Variants in KCNIP1 observed in about 807,000 individuals in gnomAD.
KCNIP1 encodes the protein A-type potassium channel modulatory protein KCNIP1.
KCNIP1 carries 18 observed loss-of-function variants against 33.0 expected under a neutral mutation model. The ratio of observed to expected loss-of-function variants is 0.55; its 90% CI spans 0.38 to 0.81. The LOEUF is 0.81. KCNIP1 is among the 30% of genes least tolerant of loss of function. The pLI, the probability that KCNIP1 is intolerant of heterozygous loss-of-function variation, is 0.00. For missense variants in KCNIP1, 238 were observed against 271.6 expected (o/e 0.88, Z 0.87); for synonymous variants, 93 against 98.3 (o/e 0.95, Z 0.32).
intron 1 of KCNIP1, among the ~76,000 whole-genome samples, chr5:170,587,430 A>T (rs1296113648): frequency 2.0e-5 from 3 of 149,442 alleles, no homozygotes; most frequent in Non-Finnish European, 4.4e-5. Flanking sequence ...TCAAAAAAAA[A>T]AAAAAAAAAA....
chr5:170,355,046 G>A (rs896637592), intron 1 of KCNIP1, among the ~76,000 whole-genome samples: 2 of 152,228 alleles, frequency 1.3e-5, no homozygotes, highest in Non-Finnish European at 2.9e-5. Context: ...TCAGGTGCCC[G>A]CCACCCAGCG....
At chr5:170,406,399 G>A (rs75640006) in intron 1 of KCNIP1, among the ~76,000 whole-genome samples, 2,281 of 152,342 alleles carry the variant, frequency 0.015, 34 homozygotes, top group East Asian at 0.07. Context: ...ATTATTGGTC[G>A]TGTAAATGTG....
intron 5 of KCNIP1, among the ~76,000 whole-genome samples, chr5:170,726,977 T>C (rs991308544): frequency 1.3e-5 from 2 of 152,060 alleles, no homozygotes; most frequent in South Asian, 2.1e-4. Flanking sequence ...AAGAAAAATA[T>C]GTAATTCCAT....
chr5:170,522,453 G>A (rs549880934), intron 1 of KCNIP1, among the ~76,000 whole-genome samples: 1 of 152,212 alleles, frequency 6.6e-6, no homozygotes, highest in Non-Finnish European at 1.5e-5. Flanking sequence ...TTCTTGTTCT[G>A]CATGGCAGTT....
At position 170,394,472 on chromosome 5, in the gene KCNIP1, CG is replaced by C. The variant is rs771506297; in HGVS notation, c.88+40511del. 5.2e-4 allele frequency among the ~76,000 whole-genome samples: 78 copies of C among 148,872 alleles called. 1 individual carries two copies. Among genetic ancestry groups the C allele is most frequent in the Admixed American group, 8.6e-4 (13 of 15,060 alleles). ...TTTGTTGTCATCGTGCTTTGGTTTTCGGGAAAAAAAATCTCTCGCTTTTTTA... is the reference window on the plus strand; with the variant it reads ...TTTGTTGTCATCGTGCTTTGGTTTTCGGAAAAAAAATCTCTCGCTTTTTTA... On this transcript the variant is annotated intron_variant, in intron 1 of 7. Transcript: ENST00000377360.
chr5:170,589,768 G>A (rs369117699), intron 1 of KCNIP1, among the ~76,000 whole-genome samples: 3,289 of 97,740 alleles, frequency 0.034, 80 homozygotes, highest in African/African-American at 0.085. Context: ...GTGTGGTGTG[G>A]TGTGGTGTGG....
chr5:170,614,388 A>G (rs1262386933), intron 1 of KCNIP1, among the ~76,000 whole-genome samples: 2 of 152,226 alleles, frequency 1.3e-5, no homozygotes, highest in East Asian at 3.8e-4. Flanking sequence ...GGACACATGC[A>G]TTCCAGTGGT....
At chr5:170,354,519 G>T (rs985987743) in intron 1 of KCNIP1, among the ~76,000 whole-genome samples, 1 of 152,162 alleles carries the variant, frequency 6.6e-6, no homozygotes, top group African/African-American at 2.4e-5. Context: ...TTCATTCATC[G>T]TTCTGCTTTC....
At chr5:170,733,345 T>G (rs1338616796) in intron 6 of KCNIP1, among the ~76,000 whole-genome samples, 1 of 151,728 alleles carries the variant, frequency 6.6e-6, no homozygotes, top group Non-Finnish European at 1.5e-5. Flanking sequence ...ACTAAGGGAG[T>G]GGTATAATCA....
chr5:170,366,851 A>T (rs971866219), intron 1 of KCNIP1, among the ~76,000 whole-genome samples: 3 of 151,668 alleles, frequency 2.0e-5, no homozygotes, highest in Non-Finnish European at 4.4e-5. Flanking sequence ...CCCAAGCAAG[A>T]CCCCTCGCCT....
chr5:170,713,434 T>C (rs903727808), intron 1 of KCNIP1, among the ~76,000 whole-genome samples: 4 of 152,136 alleles, frequency 2.6e-5, no homozygotes, highest in Non-Finnish European at 5.9e-5. Context: ...GCAAGCAGCA[T>C]AAATGAATTC....
intron 1 of KCNIP1, among the ~76,000 whole-genome samples, chr5:170,684,657 A>T (rs781196711): frequency 6.6e-6 from 1 of 152,198 alleles, no homozygotes; most frequent in Non-Finnish European, 1.5e-5. Context: ...GAGGATGAGA[A>T]ATAGCAGCCT....
rs1554109768 is a variant in KCNIP1, at chr5:170,670,908, A to AAT, written c.62-47849_62-47848insTA. 3.4e-3 allele frequency among the ~76,000 whole-genome samples: 456 copies of AAT among 132,276 alleles called. 5 individuals carry two copies. Among genetic ancestry groups the AAT allele is most frequent in the African/African-American group, 0.015 (437 of 29,682 alleles). 86.8% of individuals were successfully genotyped at this position (132,276 alleles called of 152,430 possible). ...GAGACTCTGTCTCAAAAAACAAAAA[A>AAT]AAAAATAAAAAAAAAAGAAGAGGAC... is the stretch of plus-strand genomic sequence containing the variant. On this transcript the variant is annotated intron_variant, in intron 1 of 7. Transcript: ENST00000328939.
chr5:170,644,969 G>T (rs4868005), intron 1 of KCNIP1, among the ~76,000 whole-genome samples: 15,689 of 152,172 alleles, frequency 0.1, 899 homozygotes, highest in African/African-American at 0.13. Context: ...CTCTCTTGCC[G>T]CAAGGGTCCA....
At chr5:170,461,110 G>A (rs1205986366) in intron 1 of KCNIP1, among the ~76,000 whole-genome samples, 1 of 152,118 alleles carries the variant, frequency 6.6e-6, no homozygotes, top group African/African-American at 2.4e-5. Context: ...CCAAGGAGAT[G>A]AAAGACCTCT....
At chr5:170,385,352 G>A in intron 1 of KCNIP1, 2 of 1,614,154 alleles carry the variant, frequency 1.2e-6, no homozygotes, top group Non-Finnish European at 8.5e-7. Flanking sequence ...TGACCAGGAT[G>A]TAGTAGGTGA....
At chr5:170,405,621 A>G (rs186386) in intron 1 of KCNIP1, among the ~76,000 whole-genome samples, 25,220 of 152,266 alleles carry the variant, frequency 0.17, 2,215 homozygotes, top group African/African-American at 0.21. Context: ...ATGAAGCACA[A>G]CTGGGCAGAC....
intron 1 of KCNIP1, among the ~76,000 whole-genome samples, chr5:170,655,662 T>C (rs1761229922): frequency 6.6e-6 from 1 of 152,070 alleles, no homozygotes; most frequent in African/African-American, 2.4e-5. Context: ...TGTGTCAGAG[T>C]AGAGGAGAAA....
At chr5:170,426,728 A>G (rs1017280798) in intron 1 of KCNIP1, among the ~76,000 whole-genome samples, 1 of 152,244 alleles carries the variant, frequency 6.6e-6, no homozygotes, top group African/African-American at 2.4e-5. Flanking sequence ...TTCACACTCC[A>G]CCCAGATTTT....
Sources: gnomAD v4.1 joint callset for allele counts (sites outside exome capture counted in the v4.1 genomes callset) on GRCh38, gnomAD v4.1.1 for gene constraint, MANE v1.5 for transcripts, NCBI Gene and HGNC (gene_info 2026-07-23, HGNC 2026-07-21) for gene names.